The following CADPS variants were observed in gnomAD, a reference collection of about 807,000 sequenced individuals.
CADPS encodes calcium dependent secretion activator, also known as calcium-dependent secretion activator 1.
A neutral mutation model predicts 167.3 loss-of-function variants in CADPS; 57 were observed. That is an observed-to-expected ratio of 0.34 (90% CI 0.28 to 0.42). The LOEUF (loss-of-function observed/expected upper bound fraction) is 0.42, where lower values mean the gene tolerates loss of function less well. Among genes scored for constraint, CADPS ranks in the 20% least tolerant of loss-of-function variants. The pLI is 1.00. For missense variants in CADPS, 1,414 were observed against 1,738.1 expected, an observed-to-expected ratio of 0.81 and a Z score of 3.32; for synonymous variants, 676 against 635.3, an observed-to-expected ratio of 1.06 and a Z score of -0.96.
rs1005459061 is a variant in CADPS, at chr3:62,692,464, A to G, written c.889-30070T>C. Reference sequence around the variant, plus strand: ...AACCTCAGAATTGCTCACCACAACTACCATTTGAAGACATTTGGCTTAGGA... The same window carrying G: ...AACCTCAGAATTGCTCACCACAACTGCCATTTGAAGACATTTGGCTTAGGA... On this transcript the variant is annotated intron_variant, in intron 3 of 29. Transcript: ENST00000383710. Among the ~76,000 whole-genome samples the G allele has an allele frequency of 2.0e-5, 3 of 152,038 alleles. No individual in the cohort carries two copies. The South Asian group carries it at 6.2e-4, about 31-fold the overall frequency.
intron 2 of CADPS, among the ~76,000 whole-genome samples, chr3:62,760,647 GTAGT>G (rs2085173200): frequency 6.6e-6 from 1 of 152,066 alleles, no homozygotes; most frequent in South Asian, 2.1e-4. Flanking sequence ...TTTAGAGTGG[GTAGT>G]TATTCTTCCC....
intron 3 of CADPS, among the ~76,000 whole-genome samples, chr3:62,712,570 G>C (rs916769757): frequency 6.6e-6 from 1 of 152,120 alleles, no homozygotes; most frequent in African/African-American, 2.4e-5. Context: ...ATGAAGCCTT[G>C]TTGTTCACCT....
chr3:62,565,368 C>T (rs768907054), intron 9 of CADPS, among the ~76,000 whole-genome samples: 5 of 152,178 alleles, frequency 3.3e-5, no homozygotes, highest in Non-Finnish European at 7.3e-5. Flanking sequence ...AGAACATAAA[C>T]TCTAAGATGG....
In CADPS at chr3:62,599,842, AT is replaced by A. The variant is rs2059649526; in HGVS notation, c.1326-7095del. 5.1e-4 allele frequency among the ~76,000 whole-genome samples: 17 copies of A among 33,386 alleles called. 1 individual carries two copies. The South Asian group carries it at 0.011, about 22-fold the overall frequency. The allele number at this position is 33,386 out of a possible 152,430, so 21.9% of individuals were successfully genotyped here. A position where few individuals can be genotyped will look rare whatever the true frequency, so the allele number is the denominator to read the frequency against. Reference sequence around the variant, plus strand: ...TTATATATTATATATATAATATATTATATATATATAATATATATAATATATA... The same window carrying A: ...TTATATATTATATATATAATATATTAATATATATAATATATATAATATATA... On this transcript the variant is annotated intron_variant, in intron 6 of 29. Transcript: ENST00000383710.
intron 14 of CADPS, 110 bp downstream of exon 14, chr3:62,518,039 A>C: frequency 1.3e-6 from 1 of 751,416 alleles, no homozygotes. Flanking sequence ...GTTATTTCTA[A>C]ATATCCAATG....
chr3:62,677,774 T>G (rs1427573335), intron 3 of CADPS, among the ~76,000 whole-genome samples: 1 of 152,048 alleles, frequency 6.6e-6, no homozygotes, highest in Non-Finnish European at 1.5e-5. Flanking sequence ...CCCTTCCCAG[T>G]ATTACCAGCT....
intron 11 of CADPS, among the ~76,000 whole-genome samples, chr3:62,546,560 A>G (rs536195753): frequency 1.3e-5 from 2 of 152,282 alleles, no homozygotes; most frequent in African/African-American, 2.4e-5. Flanking sequence ...GGCTTACTCC[A>G]CTAACAATTA....
intron 1 of CADPS, among the ~76,000 whole-genome samples, chr3:62,867,683 G>A (rs2081955142): frequency 6.6e-6 from 1 of 151,994 alleles, no homozygotes; most frequent in Admixed American, 6.5e-5. Flanking sequence ...GCTTGTGATG[G>A]CTAGTACTTC....
intron 10 of CADPS, 29 bp from the exon 11 acceptor site, chr3:62,550,144 C>G (rs9813819): frequency 0.029 from 45,130 of 1,563,338 alleles, 767 homozygotes; most frequent in Non-Finnish European, 0.032. Flanking sequence ...ACAACTTCTA[C>G]TAAGCTGAGC....
chr3:62,496,061 T>G (rs1427390393), intron 18 of CADPS, among the ~76,000 whole-genome samples: 1 of 148,136 alleles, frequency 6.8e-6, no homozygotes, highest in Non-Finnish European at 1.5e-5. Flanking sequence ...TCTTTTGTTT[T>G]TCTTTTCTTT....
At chr3:62,695,339 T>G (rs778100009) in intron 3 of CADPS, among the ~76,000 whole-genome samples, 3 of 152,106 alleles carry the variant, frequency 2.0e-5, no homozygotes, top group Admixed American at 2.0e-4. Flanking sequence ...ATATATTTAT[T>G]TGACATATTT....
chr3:62,445,190 C>T (rs973500793), intron 27 of CADPS, among the ~76,000 whole-genome samples: 1 of 152,142 alleles, frequency 6.6e-6, no homozygotes, highest in African/African-American at 2.4e-5. Flanking sequence ...ACTTTGAGAG[C>T]TCTCTTCATT....
chr3:62,540,533 C>T (rs1479960171), intron 11 of CADPS, among the ~76,000 whole-genome samples: 3 of 151,810 alleles, frequency 2.0e-5, no homozygotes, highest in Non-Finnish European at 4.4e-5. Flanking sequence ...TCTTGCAAAT[C>T]CAAAAGTAGG....
Position 62,466,307 on chromosome 3 carries a change from A to G in CADPS, c.3552+32T>C, listed in dbSNP as rs1209934980. 2.1e-6 allele frequency: 3 copies of G among 1,461,326 alleles called. No homozygotes were observed. In the African/African-American group the frequency reaches 4.2e-5, roughly 20 times the overall value. The allele number at this position is 1,461,326 out of a possible 1,614,324, so 90.5% of individuals were successfully genotyped here. A position where few individuals can be genotyped will look rare whatever the true frequency, so the allele number is the denominator to read the frequency against. Reference sequence around the variant, plus strand: ...GGAGACATAACAAAGCAGTGTTCACAATGAAACATTTCACCTGAAGCTGGA... The same window carrying G: ...GGAGACATAACAAAGCAGTGTTCACGATGAAACATTTCACCTGAAGCTGGA... On this transcript the variant is annotated intron_variant, in intron 25 of 29. Coordinates refer to ENST00000383710, the MANE Select transcript of CADPS (RefSeq NM_003716.4).
At chr3:62,754,482 C>T (rs1045668981) in intron 2 of CADPS, among the ~76,000 whole-genome samples, 1 of 152,018 alleles carries the variant, frequency 6.6e-6, no homozygotes, top group Non-Finnish European at 1.5e-5. Flanking sequence ...GTCAATGCAC[C>T]CAGAATTTAA....
chr3:62,749,169 A>G (rs1461448601), intron 3 of CADPS, among the ~76,000 whole-genome samples: 2 of 152,244 alleles, frequency 1.3e-5, no homozygotes, highest in African/African-American at 4.8e-5. Context: ...ATTCTCAAAC[A>G]AACAGAATAG....
chr3:62,711,003 TTGCTTCTGTA>T (rs1165570684), intron 3 of CADPS, among the ~76,000 whole-genome samples: 1 of 152,130 alleles, frequency 6.6e-6, no homozygotes, highest in Non-Finnish European at 1.5e-5. Context: ...CCAGTCACTG[TTGCTTCTGTA>T]ACAGGAAAGC....
chr3:62,468,143 GA>G (rs1239448074), intron 24 of CADPS, among the ~76,000 whole-genome samples: 1 of 152,120 alleles, frequency 6.6e-6, no homozygotes, highest in Non-Finnish European at 1.5e-5. Context: ...TTTATCTGCA[GA>G]ATTCTTTGCT....
rs2058910934 is a variant in CADPS at position 62,458,078 on chromosome 3, A to G, written c.3636+7289T>C. Among the ~76,000 whole-genome samples the G allele has an allele frequency of 6.6e-6, 1 of 152,316 alleles. No individual in the cohort carries two copies. Among genetic ancestry groups the G allele is most frequent in the African/African-American group, 2.4e-5 (1 of 41,562 alleles). On this transcript the variant is annotated intron_variant, in intron 26 of 29. Transcript: ENST00000383710. The surrounding 1 kb of genome is among the most constrained non-coding windows in gnomAD (Gnocchi z 4.6). The stretch of plus-strand genomic sequence containing the variant: ...ACATGTATCCCAGAACTTGAAGTAT[A>G]ATTTAAAAAAAAATTTTTAAAAAAG...
Sources: allele counts gnomAD v4.1 joint callset (sites outside exome capture counted in the v4.1 genomes callset), GRCh38; gene constraint gnomAD v4.1.1; non-coding constraint Gnocchi (gnomAD v3.1); transcripts MANE v1.5; gene names NCBI Gene and HGNC (gene_info 2026-07-23, HGNC 2026-07-21).